ZHX1: variants seen among roughly 807,000 people sequenced by gnomAD.
The protein encoded by ZHX1 is zinc fingers and homeoboxes 1, also known as zinc fingers and homeoboxes protein 1.
ZHX1 carries 20 observed loss-of-function variants against 61.8 expected under a neutral mutation model. That is an observed-to-expected ratio of 0.32 (90% CI 0.23 to 0.47). The LOEUF is 0.47. Among genes scored for constraint, ZHX1 ranks in the 20% least tolerant of loss-of-function variants. The probability of loss-of-function intolerance (pLI) is 1.00; values close to 1 mark genes in which losing one functional copy is unlikely to be tolerated. For missense variants in ZHX1, 800 were observed against 1,034.8 expected, an observed-to-expected ratio of 0.77 and a Z score of 3.11; for synonymous variants, 318 against 352.6, an observed-to-expected ratio of 0.90 and a Z score of 1.10.
chr8:123,272,806 C>T (rs879490659), intron 1 of ZHX1, among the ~76,000 whole-genome samples: 4 of 152,180 alleles, frequency 2.6e-5, no homozygotes, highest in Non-Finnish European at 4.4e-5. Context: ...CTGCTTCTTC[C>T]TCCCTAACCG....
chr8:123,265,015 C>G (rs1826408611), intron 2 of ZHX1, among the ~76,000 whole-genome samples: 1 of 150,102 alleles, frequency 6.7e-6, no homozygotes, highest in Non-Finnish European at 1.5e-5. Flanking sequence ...ATGGTGAAAC[C>G]CTGTCTCTAC....
chr8:123,251,841 G>A lies in ZHX1; in HGVS notation c.*3+1481C>T, dbSNP rs925649404. Among the ~76,000 whole-genome samples, 4 of 152,138 alleles carry A rather than the reference G, an allele frequency of 2.6e-5. No individual in the cohort carries two copies. The East Asian group carries it at 5.8e-4, about 22-fold the overall frequency. ...TATAACCTGGAATGATATTTATACT[G>A]CTTATTAAAACAGGTACATTTTTAG... is the stretch of plus-strand genomic sequence containing the variant. On this transcript the variant is annotated intron_variant, in intron 3 of 3. Transcript: ENST00000395571.
upstream of ZHX1, chr8:123,275,511 G>A (rs1826813169): frequency 6.6e-6 from 1 of 152,034 alleles, no homozygotes; most frequent in Non-Finnish European, 1.5e-5. Context: ...CCTAAAAGAT[G>A]CAATTGCTTC....
intron 3 of ZHX1, among the ~76,000 whole-genome samples, chr8:123,251,233 G>C (rs1222866851): frequency 1.3e-5 from 2 of 151,986 alleles, no homozygotes; most frequent in African/African-American, 4.8e-5. Flanking sequence ...CTTCCCCTTC[G>C]CCTTCTGCCA....
At chr8:123,251,769 A>G (rs1240109324) in intron 3 of ZHX1, among the ~76,000 whole-genome samples, 1 of 152,212 alleles carries the variant, frequency 6.6e-6, no homozygotes, top group African/African-American at 2.4e-5. Flanking sequence ...ATAAAGCTGT[A>G]TGAAACTGTT....
chr8:123,253,847 A>T lies in ZHX1; in HGVS notation c.2100T>A (p.Ala700=), dbSNP rs1224669464. Residue 700 remains alanine, a synonymous_variant, in exon 3 of 4, where the codon GCT becomes GCA. Transcript: ENST00000395571. ...YDKLAKESGL[A]RTDIVSWFGD... Reference sequence around the variant, plus strand: ...CAAACCAACTAACTATGTCTGTTCTAGCAAGCCCGCTTTCTTTGGCCAACT... The same window carrying T: ...CAAACCAACTAACTATGTCTGTTCTTGCAAGCCCGCTTTCTTTGGCCAACT... 1 of 1,614,088 alleles carries T rather than the reference A, an allele frequency of 6.2e-7. No homozygotes were observed. Among genetic ancestry groups the T allele is most frequent in the Non-Finnish European group, 8.5e-7 (1 of 1,180,042 alleles).
intron 2 of ZHX1, among the ~76,000 whole-genome samples, chr8:123,259,816 C>A (rs1381750520): frequency 1.3e-5 from 2 of 152,122 alleles, no homozygotes; most frequent in South Asian, 2.1e-4. Context: ...GCAGGGGAGC[C>A]CTTTCATCAA....
chr8:123,253,395 T>C lies in ZHX1; in HGVS notation c.2552A>G (p.Glu851Gly), dbSNP rs573544945. 1.9e-6 allele frequency: 3 copies of C among 1,613,948 alleles called. No homozygotes were observed. In the South Asian group the frequency reaches 3.3e-5, roughly 18 times the overall value. Reference protein sequence around the residue: ...VIDDQEEDEEETDDSDTWEPP... With the variant: ...VIDDQEEDEEGTDDSDTWEPP... ...TTCCCAAGTGTCACTATCATCTGTT[T>C]CTTCTTCATCCTCTTCCTGGTCATC... The change falls in exon 3 of 4, where the codon GAA (glutamate) becomes GGA (glycine). Residue 851 changes from glutamate (E) to glycine (G), a missense_variant. Transcript: ENST00000395571.
chr8:123,273,360 C>T (rs1658481680), intron 1 of ZHX1, among the ~76,000 whole-genome samples: 1 of 152,192 alleles, frequency 6.6e-6, no homozygotes, highest in Non-Finnish European at 1.5e-5. Context: ...CCTCTCCTTC[C>T]CAGCCTTTTA....
intron 1 of ZHX1, among the ~76,000 whole-genome samples, chr8:123,273,098 T>C (rs1028107863): frequency 6.6e-6 from 1 of 152,182 alleles, no homozygotes; most frequent in Non-Finnish European, 1.5e-5. Context: ...TTCCCCCGCC[T>C]GCTGTCTCTC....
chr8:123,260,301 C>G (rs1373031531), intron 2 of ZHX1, among the ~76,000 whole-genome samples: 1 of 152,044 alleles, frequency 6.6e-6, no homozygotes, highest in Non-Finnish European at 1.5e-5. Flanking sequence ...TGTTTAAAAG[C>G]CTTTTGCTTA....
intron 1 of ZHX1, among the ~76,000 whole-genome samples, chr8:123,273,080 T>G (rs1293772070): frequency 6.6e-6 from 1 of 152,164 alleles, no homozygotes; most frequent in African/African-American, 2.4e-5. Flanking sequence ...CCCTAGTCTC[T>G]GTTCTAATTC....
chr8:123,253,616 T>G lies in ZHX1; in HGVS notation c.2331A>C (p.Lys777Asn), dbSNP rs768144433. 6.2e-7 allele frequency: 1 copy of G among 1,614,216 alleles called. No homozygotes were observed. Among genetic ancestry groups the G allele is most frequent in the Non-Finnish European group, 8.5e-7 (1 of 1,180,020 alleles). ...TAAGTATTGCAGTTCCAGTTTTAAA[T>G]TTTATGAGTGATGGTCCCCTGTCCC... ...NNWDRGPSLI[K>N]FKTGTAILKD... Residue 777 changes from lysine (K) to asparagine (N), a missense_variant, in exon 3 of 4, where the codon AAA becomes AAC. Physicochemically the swap from Lys to Asn is moderately conservative, Grantham distance 94. Coordinates refer to ENST00000395571, the MANE Select transcript of ZHX1 (RefSeq NM_007222.5).
chr8:123,268,988 C>T (rs552726887), intron 1 of ZHX1, among the ~76,000 whole-genome samples: 26 of 152,204 alleles, frequency 1.7e-4, no homozygotes, highest in African/African-American at 4.6e-4. Context: ...AAAACTTAGG[C>T]TGAATAAGTA....
At chr8:123,262,964 G>A (rs1826325565) in intron 2 of ZHX1, 1 of 150,818 alleles carries the variant, frequency 6.6e-6, no homozygotes, top group Admixed American at 6.6e-5. Context: ...AAGAAAGGGA[G>A]GGAGGGAGGA....
At chr8:123,272,399 C>A (rs932274681) in intron 1 of ZHX1, among the ~76,000 whole-genome samples, 4 of 152,114 alleles carry the variant, frequency 2.6e-5, no homozygotes, top group African/African-American at 9.7e-5. Flanking sequence ...GAGAGAAAAG[C>A]TAAAAGGAAA....
In ZHX1 at chr8:123,253,336, A is replaced by G; in HGVS notation, c.2611T>C (p.Ser871Pro). The G allele has an allele frequency of 6.2e-7, 1 of 1,607,786 alleles. No homozygotes were observed. The highest frequency in any genetic ancestry group is 8.5e-7 in the Non-Finnish European group (1 of 1,178,524). Residue 871 changes from serine to proline, a missense_variant, in exon 3 of 4, where the codon TCA (serine) becomes CCA (proline). Coordinates refer to ENST00000395571, the MANE Select transcript of ZHX1 (RefSeq NM_007222.5). ...PRHVKRKLSK[S>P]DD ...TCTTAACTTACATTTCAGTCATCTG[A>G]TTTAGACAGCTTCCGTTTCACATGT...
intron 2 of ZHX1, among the ~76,000 whole-genome samples, chr8:123,257,606 G>A (rs1563810916): frequency 6.6e-6 from 1 of 152,144 alleles, no homozygotes; most frequent in Non-Finnish European, 1.5e-5. Context: ...GGGATGAGAT[G>A]GTTTTGGGAT....
rs1826065214 is a variant in ZHX1 at position 123,256,156 on chromosome 8, G to A, written c.-210C>T. The A allele has an allele frequency of 2.3e-6, 1 of 428,964 alleles. No homozygotes were observed. The highest frequency in any genetic ancestry group is 4.2e-6 in the Non-Finnish European group (1 of 235,664). 26.6% of individuals were successfully genotyped at this position (428,964 alleles called of 1,614,324 possible). A position where few individuals can be genotyped will look rare whatever the true frequency, so the allele number is the denominator to read the frequency against. On this transcript the variant is annotated 5_prime_UTR_variant, in exon 3 of 4. Transcript: ENST00000395571. Reference sequence around the variant, plus strand: ...CTGCTGAATTTCTGAAATTTTTGAAGCACAACTCCAATCACCTACATTAAA... The same window carrying A: ...CTGCTGAATTTCTGAAATTTTTGAAACACAACTCCAATCACCTACATTAAA...
Sources: gnomAD v4.1 joint callset for allele counts (sites outside exome capture counted in the v4.1 genomes callset) on GRCh38, gnomAD v4.1.1 for gene constraint, MANE v1.5 for transcripts, NCBI Gene and HGNC (gene_info 2026-07-23, HGNC 2026-07-21) for gene names.